IPO5: variants seen among roughly 807,000 people sequenced by gnomAD.
IPO5 encodes the protein importin 5, also known as importin-5.
Under a neutral mutation model 143.3 loss-of-function variants are expected in IPO5, and 18 were observed. That is an observed-to-expected ratio of 0.13 (90% CI 0.09 to 0.19). The LOEUF is 0.19. Ranked by LOEUF, IPO5 falls within the 10% of genes least tolerant of loss-of-function variation. The pLI, the probability that IPO5 is intolerant of heterozygous loss-of-function variation, is 1.00. For missense variants in IPO5, 1,013 were observed against 1,336.9 expected, an observed-to-expected ratio of 0.76 and a Z score of 3.78; for synonymous variants, 477 against 465.7, an observed-to-expected ratio of 1.02 and a Z score of -0.31.
chr13:98,017,944 G>A (rs1349216221), intron 25 of IPO5, among the ~76,000 whole-genome samples: 4 of 152,168 alleles, frequency 2.6e-5, no homozygotes, highest in Admixed American at 2.6e-4. Context: ...TGGGATTACA[G>A]GCGTGAGCCA....
chr13:98,008,148 T>C lies in IPO5; in HGVS notation c.1800+6T>C. ...TGGAAGATGATGATCCTCAGGTAAG[T>C]GGTCTTAATGCATTTGCTTTGATCC... is the stretch of plus-strand genomic sequence containing the variant. On this transcript the variant is annotated splice_donor_region_variant and intron_variant, in intron 18 of 28. Transcript: ENST00000651721. The C allele has an allele frequency of 4.5e-6, 7 of 1,561,800 alleles. No homozygotes were observed. The highest frequency in any genetic ancestry group is 6.2e-6 in the Non-Finnish European group (7 of 1,132,472).
At chr13:98,001,154 A>G (rs531635994) in intron 13 of IPO5, among the ~76,000 whole-genome samples, 20 of 152,236 alleles carry the variant, frequency 1.3e-4, no homozygotes, top group African/African-American at 4.8e-4. Flanking sequence ...GATTATAGGC[A>G]TGAGCTACCA....
intron 21 of IPO5, among the ~76,000 whole-genome samples, chr13:98,012,809 T>TTTTTTTTTTTTTTTTG (rs1889823960): frequency 6.8e-6 from 1 of 146,578 alleles, no homozygotes; most frequent in South Asian, 2.4e-4. Flanking sequence ...TGATTTTTTT[T>TTTTTTTTTTTTTTTTG]TTTTTTTTTT....
chr13:97,992,403 G>T (rs1188067579), intron 9 of IPO5, among the ~76,000 whole-genome samples: 1 of 152,138 alleles, frequency 6.6e-6, no homozygotes, highest in African/African-American at 2.4e-5. Context: ...AGAAAAACTA[G>T]GGCATGGATA....
chr13:97,997,041 G>A (rs946681117), intron 11 of IPO5, among the ~76,000 whole-genome samples: 1 of 152,180 alleles, frequency 6.6e-6, no homozygotes, highest in African/African-American at 2.4e-5. Context: ...TTATCAGCTA[G>A]ACAGTGGGTA....
rs187791736 is a variant in IPO5, at chr13:97,990,393, A to G, written c.565-40A>G. The G allele has an allele frequency of 8.9e-6, 13 of 1,464,816 alleles. No homozygotes were observed. The Admixed American group carries it at 1.9e-4, about 22-fold the overall frequency. 90.7% of individuals were successfully genotyped at this position (1,464,816 alleles called of 1,614,324 possible). ...AGAAAACTTGAATTTGCGTTTATCA[A>G]AAATTTCTCATGTTTGACATTTTTT... On this transcript the variant is annotated intron_variant, in intron 8 of 28. Coordinates refer to ENST00000651721, the MANE Select transcript of IPO5 (RefSeq NM_002271.6).
chr13:98,013,861 A>G (rs1889904441), intron 21 of IPO5, among the ~76,000 whole-genome samples, 181 bp from the exon 22 acceptor site: 1 of 152,192 alleles, frequency 6.6e-6, no homozygotes, highest in African/African-American at 2.4e-5. Context: ...TGCCACTATT[A>G]CAGGTGACAG....
rs767712909 is a variant in IPO5, at chr13:98,016,708, TTATGTG to T, written c.2494-15_2494-10del. 3 of 1,299,496 alleles carry T rather than the reference TTATGTG, an allele frequency of 2.3e-6. No individual in the cohort carries two copies. Among genetic ancestry groups the T allele is most frequent in the South Asian group, 1.5e-5 (1 of 66,766 alleles). The allele number at this position is 1,299,496 out of a possible 1,614,324, so 80.5% of individuals were successfully genotyped here. On this transcript the variant is annotated splice_polypyrimidine_tract_variant and intron_variant, in intron 24 of 28. Coordinates refer to ENST00000651721, the MANE Select transcript of IPO5 (RefSeq NM_002271.6). ...TATACTTTTTAATCCATATGAGTGT[TTATGTG>T]TATGTTTTTTTTAGGATGATAATGA...
At chr13:98,015,494 A>C (rs1403373125) in intron 22 of IPO5, 36 bp from the exon 23 acceptor site, 1 of 1,278,524 alleles carries the variant, frequency 7.8e-7, no homozygotes, top group South Asian at 1.3e-5. Context: ...AACACCCCAA[A>C]TCTTATGGAT....
At chr13:98,006,642 G>A (rs1889280800) in intron 17 of IPO5, among the ~76,000 whole-genome samples, 1 of 151,848 alleles carries the variant, frequency 6.6e-6, no homozygotes, top group Non-Finnish European at 1.5e-5. Flanking sequence ...CCAGAGTGCT[G>A]GGATTACAGG....
intron 26 of IPO5, among the ~76,000 whole-genome samples, chr13:98,019,093 C>T (rs1369297474): frequency 6.6e-6 from 1 of 152,100 alleles, no homozygotes; most frequent in Admixed American, 6.5e-5. Flanking sequence ...GCTGGGACTA[C>T]AGGCGCATGC....
intron 6 of IPO5, among the ~76,000 whole-genome samples, chr13:97,986,359 TA>T (rs67387162): frequency 0.05 from 7,477 of 148,580 alleles, 440 homozygotes; most frequent in East Asian, 0.32. Flanking sequence ...TGTATATATA[TA>T]TTTTTTTTTT....
intron 6 of IPO5, among the ~76,000 whole-genome samples, chr13:97,987,588 T>C (rs1214491080): frequency 1.3e-5 from 2 of 152,176 alleles, no homozygotes; most frequent in African/African-American, 4.8e-5. Context: ...GGTGTGATCA[T>C]GGCTTACCGC....
At chr13:97,985,178 CATTGCTAAAATATGTGT>C (rs1347121684) in intron 5 of IPO5, among the ~76,000 whole-genome samples, 5 of 152,288 alleles carry the variant, frequency 3.3e-5, no homozygotes, top group African/African-American at 1.2e-4. Flanking sequence ...ACAGGTTTAT[CATTGCTAAAATATGTGT>C]TCCTAATTGA....
intron 16 of IPO5, among the ~76,000 whole-genome samples, chr13:98,005,260 CAA>C (rs1335198224): frequency 1.3e-5 from 2 of 151,704 alleles, no homozygotes; most frequent in African/African-American, 4.8e-5. Context: ...TGTAGTGGCG[CAA>C]TCTCGGCTCA....
rs541486111 is a variant in IPO5 at position 97,971,622 on chromosome 13, A to G, written c.-5+1792A>G. Among the ~76,000 whole-genome samples the G allele has an allele frequency of 4.6e-5, 7 of 152,316 alleles. No individual in the cohort carries two copies. In the South Asian group the frequency reaches 1.4e-3, roughly 32 times the overall value. On this transcript the variant is annotated intron_variant, in intron 3 of 28. Transcript: ENST00000651721. ...TTATATAAACACAAATGTGATGCAC[A>G]TGACTATGCATCAGCTGCAGCCTTA...
At chr13:97,981,908 G>A (rs1385838454) in intron 4 of IPO5, 1 of 152,602 alleles carries the variant, frequency 6.6e-6, no homozygotes, top group Admixed American at 6.5e-5. Context: ...CTTGCTAATA[G>A]ATCTACAAAA....
At chr13:97,957,014 G>A (rs1884507597) in intron 2 of IPO5, among the ~76,000 whole-genome samples, 1 of 152,150 alleles carries the variant, frequency 6.6e-6, no homozygotes, top group Non-Finnish European at 1.5e-5. Flanking sequence ...ATGGCAGATA[G>A]ACCTTAAAAC....
intron 12 of IPO5, among the ~76,000 whole-genome samples, chr13:98,000,331 T>C (rs1039373647): frequency 6.6e-6 from 1 of 152,086 alleles, no homozygotes; most frequent in African/African-American, 2.4e-5. Context: ...TTCTAAACTA[T>C]GGTGGATCAT....
Sources: gnomAD v4.1 joint callset for allele counts (sites outside exome capture counted in the v4.1 genomes callset) on GRCh38, gnomAD v4.1.1 for gene constraint, MANE v1.5 for transcripts, NCBI Gene and HGNC (gene_info 2026-07-23, HGNC 2026-07-21) for gene names.